The following CCDC192 variants were observed in gnomAD, a reference collection of about 807,000 sequenced individuals.
The protein encoded by CCDC192 is coiled-coil domain-containing protein 192.
chr5:127,788,588 T>A (rs1024796031), intron 3 of CCDC192, among the ~76,000 whole-genome samples: 1 of 152,222 alleles, frequency 6.6e-6, no homozygotes, highest in African/African-American at 2.4e-5. Context: ...ATGTCCTTTT[T>A]ATTCCTCAAT....
At chr5:127,802,253 T>C (rs1757545477) in intron 5 of CCDC192, among the ~76,000 whole-genome samples, 1 of 152,206 alleles carries the variant, frequency 6.6e-6, no homozygotes, top group African/African-American at 2.4e-5. Flanking sequence ...GCATTGTAGC[T>C]ACTCAATACA....
chr5:127,825,590 C>G (rs1251592316), intron 5 of CCDC192, among the ~76,000 whole-genome samples: 1 of 152,212 alleles, frequency 6.6e-6, no homozygotes, highest in Admixed American at 6.5e-5. Context: ...GGTCCACACC[C>G]CTAGGTGCTT....
At position 127,791,211 on chromosome 5, in the gene CCDC192, T is replaced by C. The variant is rs371444843; in HGVS notation, c.223-5892T>C. On this transcript the variant is annotated intron_variant, in intron 3 of 6. Coordinates refer to ENST00000514853, the MANE Select transcript of CCDC192 (RefSeq NM_001317938.2). ...TTGTCATATTATAAATTTGAAGCTC[T>C]GCAAATCTACTCAGAAAATTCAACT... 1.2e-4 allele frequency among the ~76,000 whole-genome samples: 18 copies of C among 152,336 alleles called. No homozygotes were observed. The East Asian group carries it at 3.5e-3, about 29-fold the overall frequency.
intron 6 of CCDC192, among the ~76,000 whole-genome samples, chr5:127,887,808 A>T (rs958977785): frequency 6.7e-6 from 1 of 149,914 alleles, no homozygotes; most frequent in Non-Finnish European, 1.5e-5. Context: ...GGTTCATGCC[A>T]TTCTCCTGCC....
chr5:127,887,137 G>C (rs547151767), intron 6 of CCDC192, among the ~76,000 whole-genome samples: 1 of 152,064 alleles, frequency 6.6e-6, no homozygotes, highest in South Asian at 2.1e-4. Flanking sequence ...AGACCAGCCT[G>C]GCCAACAGGG....
chr5:127,905,710 CA>C (rs200984024), intron 6 of CCDC192, among the ~76,000 whole-genome samples: 17 of 149,910 alleles, frequency 1.1e-4, no homozygotes, highest in South Asian at 2.1e-4. Flanking sequence ...AATTGGAATG[CA>C]AAAAAAAAGT....
chr5:127,837,999 AAAGAAAAGAATT>A (rs1163396871), intron 5 of CCDC192, among the ~76,000 whole-genome samples: 1 of 152,208 alleles, frequency 6.6e-6, no homozygotes, highest in East Asian at 1.9e-4. Context: ...CATCTCAAAA[AAAGAAAAGAATT>A]AGGCCAGATT....
intron 5 of CCDC192, among the ~76,000 whole-genome samples, chr5:127,811,074 T>C (rs1410263843): frequency 6.6e-6 from 1 of 152,158 alleles, no homozygotes; most frequent in Non-Finnish European, 1.5e-5. Context: ...CCTCTTTACA[T>C]ATAATTGCCT....
At chr5:127,777,656 C>G (rs772154939) in intron 3 of CCDC192, among the ~76,000 whole-genome samples, 2 of 152,122 alleles carry the variant, frequency 1.3e-5, no homozygotes, top group African/African-American at 4.8e-5. Context: ...TCCTGTAAGT[C>G]CCACATGTTG....
At chr5:127,910,718 A>G (rs536997580) in intron 6 of CCDC192, among the ~76,000 whole-genome samples, 6 of 152,356 alleles carry the variant, frequency 3.9e-5, no homozygotes, top group African/African-American at 1.4e-4. Flanking sequence ...AGTAGTAAGT[A>G]GAGGACCACT....
At chr5:127,886,490 C>A (rs1730643243) in intron 6 of CCDC192, among the ~76,000 whole-genome samples, 1 of 152,192 alleles carries the variant, frequency 6.6e-6, no homozygotes, top group Non-Finnish European at 1.5e-5. Flanking sequence ...CACCCCTCCT[C>A]TTCCTCGTCC....
At chr5:127,845,703 G>A (rs961542117) in intron 5 of CCDC192, among the ~76,000 whole-genome samples, 20 of 152,096 alleles carry the variant, frequency 1.3e-4, no homozygotes, top group African/African-American at 4.8e-4. Context: ...TTAAATAGAT[G>A]ATAGACAGAA....
chr5:127,729,123 T>A (rs1580543080), intron 2 of CCDC192, among the ~76,000 whole-genome samples: 1 of 151,962 alleles, frequency 6.6e-6, no homozygotes, highest in Admixed American at 6.6e-5. Flanking sequence ...GCTAGGCTGG[T>A]CTCAAACTCC....
At chr5:127,815,073 A>C (rs1025060894) in intron 5 of CCDC192, among the ~76,000 whole-genome samples, 2 of 152,096 alleles carry the variant, frequency 1.3e-5, no homozygotes, top group East Asian at 3.9e-4. Flanking sequence ...AGCAATGACC[A>C]TGTGTAGCCT....
intron 5 of CCDC192, among the ~76,000 whole-genome samples, chr5:127,803,107 C>A (rs1027088395): frequency 6.6e-6 from 1 of 152,128 alleles, no homozygotes; most frequent in Non-Finnish European, 1.5e-5. Flanking sequence ...AAATTAACAA[C>A]GTAATGTCTT....
intron 2 of CCDC192, among the ~76,000 whole-genome samples, chr5:127,719,831 G>GGGA (rs1554068202): frequency 1.5e-5 from 1 of 66,814 alleles, no homozygotes; most frequent in Non-Finnish European, 3.4e-5. Context: ...TCAGAGGAAG[G>GGGA]GGCGGGGGAG....
intron 6 of CCDC192, among the ~76,000 whole-genome samples, chr5:127,932,874 A>G (rs762324350): frequency 3.9e-5 from 6 of 152,108 alleles, no homozygotes; most frequent in Non-Finnish European, 8.8e-5. Flanking sequence ...GGCAGAAAAC[A>G]TGGATGTGAA....
intron 3 of CCDC192, among the ~76,000 whole-genome samples, chr5:127,787,867 A>C (rs564700647): frequency 4.6e-5 from 7 of 152,164 alleles, no homozygotes; most frequent in Admixed American, 2.6e-4. Context: ...AGATCACTTG[A>C]GGTGAGGAGT....
At chr5:127,797,821 T>C (rs990046025) in intron 4 of CCDC192, among the ~76,000 whole-genome samples, 2 of 147,704 alleles carry the variant, frequency 1.4e-5, no homozygotes, top group African/African-American at 5.0e-5. Flanking sequence ...ATTTATATGA[T>C]ATAGGGGCAT....
Sources: gnomAD v4.1 joint callset for allele counts (sites outside exome capture counted in the v4.1 genomes callset) on GRCh38, gnomAD v4.1.1 for gene constraint, MANE v1.5 for transcripts, NCBI Gene and HGNC (gene_info 2026-07-23, HGNC 2026-07-21) for gene names.